Variants in SLIT3 observed in about 807,000 individuals in gnomAD.
The protein encoded by SLIT3 is slit homolog 3 protein.
A neutral mutation model predicts 184.0 loss-of-function variants in SLIT3; 68 were observed. The observed-to-expected ratio is 0.37, with a 90% CI of 0.30 to 0.45. The LOEUF (loss-of-function observed/expected upper bound fraction) is 0.45. Among genes scored for constraint, SLIT3 ranks in the 20% least tolerant of loss-of-function variants. The pLI, the probability that SLIT3 is intolerant of heterozygous loss-of-function variation, is 1.00. For synonymous variants in SLIT3, 831 were observed against 828.6 expected (o/e 1.00, Z -0.05); for missense variants, 1,707 against 2,026.0 (o/e 0.84, Z 3.02).
intron 1 of SLIT3, among the ~76,000 whole-genome samples, chr5:169,297,013 G>A (rs146291902): frequency 6.6e-6 from 1 of 152,202 alleles, no homozygotes; most frequent in African/African-American, 2.4e-5. Flanking sequence ...TGAGATTGTG[G>A]TTGGAGAAGA....
chr5:169,051,514 C>A (rs959750833), intron 4 of SLIT3, among the ~76,000 whole-genome samples: 1 of 152,082 alleles, frequency 6.6e-6, no homozygotes, highest in Non-Finnish European at 1.5e-5. Context: ...TTCAGGGGCC[C>A]AGGATAATTA....
At chr5:169,225,542 C>A (rs1047997727) in intron 3 of SLIT3, among the ~76,000 whole-genome samples, 5 of 152,206 alleles carry the variant, frequency 3.3e-5, no homozygotes, top group African/African-American at 1.2e-4. Context: ...CTCTTAGAGG[C>A]CTTATAGTCT....
chr5:168,830,603 A>C (rs1242380906), intron 6 of SLIT3, among the ~76,000 whole-genome samples: 1 of 152,204 alleles, frequency 6.6e-6, no homozygotes, highest in Non-Finnish European at 1.5e-5. Flanking sequence ...CTATTTATGA[A>C]GTGTTTACTA....
chr5:169,276,910 C>T (rs1766825751), intron 1 of SLIT3, among the ~76,000 whole-genome samples: 1 of 152,172 alleles, frequency 6.6e-6, no homozygotes, highest in South Asian at 2.1e-4. Context: ...GTAAAATCTA[C>T]ATCATATAAG....
intron 20 of SLIT3, among the ~76,000 whole-genome samples, chr5:168,730,086 T>TA (rs138908826): frequency 0.034 from 5,022 of 146,076 alleles, 288 homozygotes; most frequent in African/African-American, 0.12. Context: ...TTATATCAGA[T>TA]AAAAAAGACA....
chr5:169,091,623 AGAGGAATGAGAT>A (rs370478095), intron 4 of SLIT3, among the ~76,000 whole-genome samples: 27 of 152,328 alleles, frequency 1.8e-4, no homozygotes, highest in African/African-American at 6.3e-4. Context: ...GCAGTCGTCA[AGAGGAATGAGAT>A]TAGTTTCAAG....
intron 3 of SLIT3, among the ~76,000 whole-genome samples, chr5:169,209,299 A>G (rs999901902): frequency 1.3e-5 from 2 of 152,204 alleles, no homozygotes; most frequent in African/African-American, 4.8e-5. Context: ...AAGTCAGGAA[A>G]CCATAGATGC....
chr5:168,854,024 T>C (rs561288041), intron 5 of SLIT3, among the ~76,000 whole-genome samples: 2 of 152,274 alleles, frequency 1.3e-5, no homozygotes, highest in Non-Finnish European at 2.9e-5. Flanking sequence ...GTAGGACGAA[T>C]TCTGAATACA....
chr5:168,876,708 C>T (rs1263370172), intron 5 of SLIT3, among the ~76,000 whole-genome samples: 4 of 152,198 alleles, frequency 2.6e-5, no homozygotes, highest in South Asian at 2.1e-4. Flanking sequence ...TTAGCTCCAA[C>T]GAAGCCTTAA....
chr5:169,153,761 C>G (rs1172494999), intron 4 of SLIT3, among the ~76,000 whole-genome samples: 1 of 152,262 alleles, frequency 6.6e-6, no homozygotes, highest in Non-Finnish European at 1.5e-5. Flanking sequence ...GACTCTGATT[C>G]TAACCCTTTC....
chr5:169,069,722 G>A (rs1024010200), intron 4 of SLIT3, among the ~76,000 whole-genome samples: 1 of 152,128 alleles, frequency 6.6e-6, no homozygotes, highest in South Asian at 2.1e-4. Flanking sequence ...AGAGGAAGTA[G>A]GGGAGGGAGA....
At position 169,300,220 on chromosome 5, in the gene SLIT3, C is replaced by G. The variant is rs1767639566; in HGVS notation, c.197+293G>C. Among the ~76,000 whole-genome samples, 1 of 152,192 alleles carries G rather than the reference C, an allele frequency of 6.6e-6. No homozygotes were observed. The highest frequency in any genetic ancestry group is 2.4e-5 in the African/African-American group (1 of 41,452). On this transcript the variant is annotated intron_variant, in intron 1 of 35. Transcript: ENST00000519560. This position sits in a 1 kb window ranked among gnomAD's most constrained non-coding sequence, Gnocchi z 4.1. ...TGAGGCTGCAGTGCTCTTGCCTCCC[C>G]TCGCCTCTCCTCAGCTACTCCTTGG... is the stretch of plus-strand genomic sequence containing the variant.
chr5:169,029,958 C>G (rs769921186), intron 4 of SLIT3, among the ~76,000 whole-genome samples: 2 of 152,194 alleles, frequency 1.3e-5, no homozygotes, highest in Non-Finnish European at 2.9e-5. Context: ...AACACATTCT[C>G]CCCACCTGAA....
chr5:168,832,423 G>A (rs1305078765), intron 6 of SLIT3, among the ~76,000 whole-genome samples: 3 of 152,210 alleles, frequency 2.0e-5, no homozygotes, highest in African/African-American at 2.4e-5. Flanking sequence ...ATGTAGTTAC[G>A]TAGCCAGAGC....
chr5:168,669,859 C>T lies in SLIT3; in HGVS notation c.4260G>A (p.Gly1420=), dbSNP rs746122282. 1 of 1,614,074 alleles carries T rather than the reference C, an allele frequency of 6.2e-7. No homozygotes were observed. The highest frequency in any genetic ancestry group is 1.3e-5 in the African/African-American group (1 of 74,940). The change falls in exon 35 of 36, where the codon GGG becomes GGA. Residue 1420 remains glycine (G), a synonymous_variant. Transcript: ENST00000519560. ...CCCCTTGGTCTGAGATGTGGCACTG[C>T]CCATGGTGACACTTGAAGGCTGAGC... ...NACSAFKCHH[G]QCHISDQGEP... is the part of the protein sequence containing the mutation.
intron 1 of SLIT3, among the ~76,000 whole-genome samples, chr5:169,255,498 C>A (rs1022477199): frequency 1.3e-5 from 2 of 152,018 alleles, no homozygotes; most frequent in Non-Finnish European, 2.9e-5. Context: ...AATAAGCATA[C>A]AAGGGAAGAA....
chr5:168,917,616 C>G (rs1761487211), intron 4 of SLIT3, among the ~76,000 whole-genome samples: 1 of 152,164 alleles, frequency 6.6e-6, no homozygotes, highest in Non-Finnish European at 1.5e-5. Flanking sequence ...TCCCTGTCAG[C>G]CTTCTCTCTA....
chr5:169,095,695 C>T (rs1759751694), intron 4 of SLIT3, among the ~76,000 whole-genome samples: 2 of 152,190 alleles, frequency 1.3e-5, no homozygotes, highest in Admixed American at 6.5e-5. Flanking sequence ...ATCACCTTCT[C>T]CTGCCTTCAA....
chr5:169,029,560 G>A (rs1756948758), intron 4 of SLIT3, among the ~76,000 whole-genome samples: 1 of 152,104 alleles, frequency 6.6e-6, no homozygotes, highest in Non-Finnish European at 1.5e-5. Flanking sequence ...AAGAAATGAG[G>A]GCTTGAAAAA....
Sources: allele counts gnomAD v4.1 joint callset (sites outside exome capture counted in the v4.1 genomes callset), GRCh38; gene constraint gnomAD v4.1.1; non-coding constraint Gnocchi (gnomAD v3.1); transcripts MANE v1.5; gene names NCBI Gene and HGNC (gene_info 2026-07-23, HGNC 2026-07-21).